Variants in SRBD1 observed in about 807,000 individuals in gnomAD.
The protein encoded by SRBD1 is S1 RNA binding domain 1.
A neutral mutation model predicts 115.3 loss-of-function variants in SRBD1; 88 were observed. That is an observed-to-expected ratio of 0.76 (90% CI 0.64 to 0.91). The LOEUF (loss-of-function observed/expected upper bound fraction) is 0.91. SRBD1 is among the 40% of genes least tolerant of loss of function. The pLI is 0.00. For synonymous variants in SRBD1, 509 were observed against 407.7 expected (o/e 1.25, Z -2.99); for missense variants, 1,385 against 1,177.4 (o/e 1.18, Z -2.58).
At position 45,534,193 on chromosome 2, in the gene SRBD1, T is replaced by G. The variant is rs560507858; in HGVS notation, c.1874+12539A>C. ...TATACATACACACACATCCAAATTA[T>G]TCATTCCTTATGTCTCCTTTCCCAA... On this transcript the variant is annotated intron_variant, in intron 14 of 20. Coordinates refer to ENST00000263736, the MANE Select transcript of SRBD1 (RefSeq NM_018079.5). Among the ~76,000 whole-genome samples the G allele has an allele frequency of 3.3e-5, 5 of 152,010 alleles. No individual in the cohort carries two copies. The South Asian group carries it at 1.0e-3, about 32-fold the overall frequency.
chr2:45,436,257 T>C (rs1572638911), intron 16 of SRBD1, among the ~76,000 whole-genome samples: 1 of 152,030 alleles, frequency 6.6e-6, no homozygotes, highest in Admixed American at 6.5e-5. Context: ...ACGGGAAACA[T>C]CCTCAAGGTG....
At chr2:45,474,400 TCATGCCAGGTGTCATGTA>T (rs1669743043) in intron 16 of SRBD1, among the ~76,000 whole-genome samples, 1 of 152,232 alleles carries the variant, frequency 6.6e-6, no homozygotes, top group African/African-American at 2.4e-5. Context: ...ATGTGGGACA[TCATGCCAGGTGTCATGTA>T]CATGGCAGGA....
intron 2 of SRBD1, among the ~76,000 whole-genome samples, chr2:45,602,620 G>T (rs955614913): frequency 6.6e-6 from 1 of 152,090 alleles, no homozygotes; most frequent in Non-Finnish European, 1.5e-5. Context: ...TTCACAGAAT[G>T]GATTTCTTTC....
At chr2:45,586,570 G>T (rs981343287) in intron 4 of SRBD1, among the ~76,000 whole-genome samples, 1 of 151,792 alleles carries the variant, frequency 6.6e-6, no homozygotes, top group Non-Finnish European at 1.5e-5. Flanking sequence ...TTTTGAGACA[G>T]TGTCTCGCTC....
intron 14 of SRBD1, among the ~76,000 whole-genome samples, chr2:45,511,093 C>A (rs999188353): frequency 6.6e-6 from 1 of 152,164 alleles, no homozygotes; most frequent in African/African-American, 2.4e-5. Flanking sequence ...GTCAGTGCAC[C>A]CATCCCTTAG....
chr2:45,496,000 C>T (rs1476043508), intron 14 of SRBD1, among the ~76,000 whole-genome samples: 3 of 152,126 alleles, frequency 2.0e-5, no homozygotes, highest in Admixed American at 2.0e-4. Flanking sequence ...GTCTTTTGTA[C>T]TCAAATTTGT....
chr2:45,390,149 T>A (rs567058493), intron 20 of SRBD1, among the ~76,000 whole-genome samples: 2 of 152,332 alleles, frequency 1.3e-5, no homozygotes, highest in East Asian at 3.9e-4. Flanking sequence ...CTATTTCATA[T>A]ATATTTATCC....
intron 7 of SRBD1, among the ~76,000 whole-genome samples, 186 bp from the exon 8 acceptor site, chr2:45,574,909 A>G (rs1041514874): frequency 6.6e-6 from 1 of 152,170 alleles, no homozygotes; most frequent in Non-Finnish European, 1.5e-5. Flanking sequence ...TCCAAAAGCA[A>G]TAATACAGAC....
intron 14 of SRBD1, among the ~76,000 whole-genome samples, chr2:45,544,305 T>C (rs1437230439): frequency 6.6e-6 from 1 of 151,530 alleles, no homozygotes; most frequent in Admixed American, 6.6e-5. Flanking sequence ...ACACTTAACA[T>C]ATTTACTACA....
chr2:45,411,181 A>C (rs1310259051), intron 19 of SRBD1, among the ~76,000 whole-genome samples: 1 of 152,198 alleles, frequency 6.6e-6, no homozygotes, highest in African/African-American at 2.4e-5. Flanking sequence ...GAGGACACCC[A>C]GGTGACGTCT....
intron 14 of SRBD1, among the ~76,000 whole-genome samples, chr2:45,514,287 A>G (rs1297825073): frequency 1.3e-5 from 2 of 152,150 alleles, no homozygotes; most frequent in African/African-American, 2.4e-5. Flanking sequence ...ATCACATTCA[A>G]CGAAGTGGTG....
intron 9 of SRBD1, among the ~76,000 whole-genome samples, chr2:45,565,687 G>A (rs986138936): frequency 2.0e-5 from 3 of 152,132 alleles, no homozygotes; most frequent in Non-Finnish European, 2.9e-5. Context: ...GAAAATGCAC[G>A]GCATGGGACA....
chr2:45,471,664 GCA>G (rs1669652796), intron 16 of SRBD1, among the ~76,000 whole-genome samples: 1 of 152,088 alleles, frequency 6.6e-6, no homozygotes, highest in Non-Finnish European at 1.5e-5. Flanking sequence ...CTTCTGACTT[GCA>G]CAGATATTTT....
chr2:45,501,271 T>C (rs915897890), intron 14 of SRBD1, among the ~76,000 whole-genome samples: 1 of 152,226 alleles, frequency 6.6e-6, no homozygotes, highest in Non-Finnish European at 1.5e-5. Flanking sequence ...AAAAATTTTT[T>C]GATTTTTAAT....
At chr2:45,456,281 T>G (rs1669150579) in intron 16 of SRBD1, among the ~76,000 whole-genome samples, 1 of 151,892 alleles carries the variant, frequency 6.6e-6, no homozygotes, top group Non-Finnish European at 1.5e-5. Context: ...AAGATGACCT[T>G]GATAGAAATT....
chr2:45,511,149 A>G (rs543499286), intron 14 of SRBD1, among the ~76,000 whole-genome samples: 1 of 152,328 alleles, frequency 6.6e-6, no homozygotes, highest in Non-Finnish European at 1.5e-5. Context: ...GCTCCAGGAA[A>G]ATAAAATCTA....
At chr2:45,571,208 T>C (rs1672996510) in intron 9 of SRBD1, among the ~76,000 whole-genome samples, 1 of 151,994 alleles carries the variant, frequency 6.6e-6, no homozygotes. Context: ...CCCAACAAAG[T>C]GCCAATCTGC....
Position 45,548,818 on chromosome 2 carries a change from C to G in SRBD1, c.1676-1206G>C, listed in dbSNP as rs539485999. 1.1e-3 allele frequency among the ~76,000 whole-genome samples: 169 copies of G among 151,966 alleles called. 1 individual carries two copies. Among genetic ancestry groups the G allele is most frequent in the Middle Eastern group, 3.4e-3 (1 of 294 alleles). ...CAAAAACAAAAAGTCACGACTATAT[C>G]TAGAACATAGATAAAATATCCCCAC... is the stretch of plus-strand genomic sequence containing the variant. On this transcript the variant is annotated intron_variant, in intron 12 of 20. Coordinates refer to ENST00000263736, the MANE Select transcript of SRBD1 (RefSeq NM_018079.5).
intron 16 of SRBD1, among the ~76,000 whole-genome samples, chr2:45,464,803 C>T (rs1669430470): frequency 1.3e-5 from 2 of 151,898 alleles, no homozygotes; most frequent in Admixed American, 1.3e-4. Flanking sequence ...GAAGTCTGAA[C>T]ATTAAAGCTC....
Sources: gnomAD v4.1 joint callset for allele counts (sites outside exome capture counted in the v4.1 genomes callset) on GRCh38, gnomAD v4.1.1 for gene constraint, MANE v1.5 for transcripts, NCBI Gene and HGNC (gene_info 2026-07-23, HGNC 2026-07-21) for gene names.